SCUBE1: variants seen among roughly 807,000 people sequenced by gnomAD.
SCUBE1 encodes the protein signal peptide, CUB and EGF-like domain-containing protein 1.
In SCUBE1, 59 loss-of-function variants were observed where a neutral mutation model predicts 124.4. That is an observed-to-expected ratio of 0.47 (90% CI 0.38 to 0.59). The LOEUF (loss-of-function observed/expected upper bound fraction) is 0.59, where lower values mean the gene tolerates loss of function less well. SCUBE1 is among the 20% of genes least tolerant of loss of function. The pLI, the probability that SCUBE1 is intolerant of heterozygous loss-of-function variation, is 0.00. For synonymous variants in SCUBE1, 545 were observed against 550.9 expected (o/e 0.99, Z 0.15); for missense variants, 1,150 against 1,371.2 (o/e 0.84, Z 2.55).
intron 15 of SCUBE1, 111 bp from the exon 16 acceptor site, chr22:43,214,362 G>A (rs1294757981): frequency 3.5e-6 from 4 of 1,158,904 alleles, no homozygotes; most frequent in Middle Eastern, 5.7e-4. Context: ...TGTCCCCTGG[G>A]GCCCCAAGGA....
chr22:43,243,103 G>C (rs552403145), intron 6 of SCUBE1, among the ~76,000 whole-genome samples: 1 of 152,228 alleles, frequency 6.6e-6, no homozygotes, highest in Non-Finnish European at 1.5e-5. Flanking sequence ...CACCGCACAC[G>C]CCACACACCC....
intron 1 of SCUBE1, among the ~76,000 whole-genome samples, chr22:43,340,483 C>T (rs988471064): frequency 2.4e-3 from 11 of 4,548 alleles, no homozygotes; most frequent in African/African-American, 9.6e-3. Flanking sequence ...GTCTCTTTTA[C>T]ACACACACAC....
chr22:43,328,941 A>G (rs1167310646), intron 2 of SCUBE1, among the ~76,000 whole-genome samples: 2 of 152,186 alleles, frequency 1.3e-5, no homozygotes, highest in African/African-American at 4.8e-5. Context: ...ACCCAGCTAG[A>G]AGGTGGTGAA....
intron 2 of SCUBE1, 60 bp from the exon 3 acceptor site, chr22:43,320,125 C>G: frequency 6.2e-7 from 1 of 1,603,840 alleles, no homozygotes; most frequent in Non-Finnish European, 8.5e-7. Context: ...CCTCTCCCAA[C>G]ACCATGGAAG....
At chr22:43,207,900 C>T (rs149107594) in intron 20 of SCUBE1, among the ~76,000 whole-genome samples, 172 bp downstream of exon 20, 197 of 152,348 alleles carry the variant, frequency 1.3e-3, no homozygotes, top group African/African-American at 4.5e-3. Context: ...CTGTACCACC[C>T]GGTACCACCC....
chr22:43,258,848 C>T lies in SCUBE1; in HGVS notation c.611-513G>A, dbSNP rs1266341348. On this transcript the variant is annotated intron_variant, in intron 5 of 21. Transcript: ENST00000360835. The surrounding 1 kb of genome is among the most constrained non-coding windows in gnomAD (Gnocchi z 5.0). ...GTGGATGTCTCCACGGAGGTCCCCC[C>T]TCAGAGTCCCAGGGGCCACCTCAAA... Among the ~76,000 whole-genome samples, 2 of 152,142 alleles carry T rather than the reference C, an allele frequency of 1.3e-5. No individual in the cohort carries two copies. Among genetic ancestry groups the T allele is most frequent in the East Asian group, 1.9e-4 (1 of 5,184 alleles).
At chr22:43,216,343 G>A (rs1029146848) in intron 15 of SCUBE1, among the ~76,000 whole-genome samples, 5 of 148,744 alleles carry the variant, frequency 3.4e-5, no homozygotes, top group East Asian at 4.2e-4. Context: ...TACCATGCCC[G>A]GCCCAAAATA....
chr22:43,224,725 CTGA>C (rs1387104875), intron 10 of SCUBE1, among the ~76,000 whole-genome samples: 2 of 152,154 alleles, frequency 1.3e-5, no homozygotes, highest in Non-Finnish European at 2.9e-5. Flanking sequence ...TGTCAGGTCA[CTGA>C]CTGCACGGCC....
chr22:43,264,617 A>T (rs1923994535), intron 4 of SCUBE1, among the ~76,000 whole-genome samples: 1 of 152,116 alleles, frequency 6.6e-6, no homozygotes, highest in Non-Finnish European at 1.5e-5. Flanking sequence ...ACCGTTACTG[A>T]CAGCTGTTGT....
intron 2 of SCUBE1, among the ~76,000 whole-genome samples, chr22:43,338,384 C>G (rs1212162783): frequency 6.6e-6 from 1 of 152,152 alleles, no homozygotes; most frequent in Admixed American, 6.5e-5. Context: ...GAGACAGAGA[C>G]CTACAGGGTG....
intron 14 of SCUBE1, among the ~76,000 whole-genome samples, chr22:43,218,877 T>C (rs1290989253): frequency 6.6e-6 from 1 of 152,168 alleles, no homozygotes; most frequent in African/African-American, 2.4e-5. Context: ...TCCCCTCCAC[T>C]CTGACACTCC....
At chr22:43,319,908 A>T in intron 3 of SCUBE1, 29 bp downstream of exon 3, 1 of 1,612,304 alleles carries the variant, frequency 6.2e-7, no homozygotes, top group South Asian at 1.1e-5. Context: ...GGGTGTGCCC[A>T]GAGGGTAGGC....
At chr22:43,306,355 C>A (rs1322735280) in intron 3 of SCUBE1, among the ~76,000 whole-genome samples, 1 of 152,140 alleles carries the variant, frequency 6.6e-6, no homozygotes, top group Non-Finnish European at 1.5e-5. Context: ...ACAGGGACTG[C>A]AAACAGGAAC....
chr22:43,300,842 T>A (rs1361002825), intron 3 of SCUBE1, among the ~76,000 whole-genome samples: 1 of 151,912 alleles, frequency 6.6e-6, no homozygotes, highest in African/African-American at 2.4e-5. Context: ...TCTGCCAAGG[T>A]TGCCCCCAAA....
intron 13 of SCUBE1, 35 bp downstream of exon 13, chr22:43,221,138 G>A (rs201603472): frequency 4.7e-5 from 72 of 1,539,432 alleles, no homozygotes; most frequent in South Asian, 1.0e-4. Flanking sequence ...CTACAGCCCC[G>A]TTGGTGTGGG....
At chr22:43,316,014 G>A (rs996906176) in intron 3 of SCUBE1, among the ~76,000 whole-genome samples, 2 of 152,100 alleles carry the variant, frequency 1.3e-5, no homozygotes, top group Admixed American at 1.3e-4. Context: ...GAGCGCACAT[G>A]GTGGGGACTG....
rs562767340 is a variant in SCUBE1, at chr22:43,210,785, C to T, written c.2383+137G>A. ...GGCCTCCAGATGGATGCAATGCACC[C>T]GAGAGCAGACGGGACGGAGCGGGAG... On this transcript the variant is annotated intron_variant, in intron 18 of 21. Transcript: ENST00000360835. The surrounding 1 kb of genome is among the most constrained non-coding windows in gnomAD (Gnocchi z 4.5). 7.9e-3 allele frequency: 8,522 copies of T among 1,076,176 alleles called. 54 individuals carry two copies. The highest frequency in any genetic ancestry group is 9.7e-3 in the Non-Finnish European group (7,156 of 738,030). The allele number at this position is 1,076,176 out of a possible 1,614,324, so 66.7% of individuals were successfully genotyped here. A position where few individuals can be genotyped will look rare whatever the true frequency, so the allele number is the denominator to read the frequency against.
At chr22:43,297,263 C>T (rs1925598795) in intron 3 of SCUBE1, among the ~76,000 whole-genome samples, 1 of 152,238 alleles carries the variant, frequency 6.6e-6, no homozygotes, top group Non-Finnish European at 1.5e-5. Context: ...CTGCACACTT[C>T]TCCTGGGTCT....
At position 43,315,633 on chromosome 22, in the gene SCUBE1, T is replaced by C. The variant is rs116860695; in HGVS notation, c.349+4304A>G. On this transcript the variant is annotated intron_variant, in intron 3 of 21. Coordinates refer to ENST00000360835, the MANE Select transcript of SCUBE1 (RefSeq NM_173050.5). ...GAAAGCCTGAACAGAAAGAACTCTGTTGGGAAGGGTCTGCCCTCAGCTAAA... is the reference window on the plus strand; with the variant it reads ...GAAAGCCTGAACAGAAAGAACTCTGCTGGGAAGGGTCTGCCCTCAGCTAAA... 9.9e-4 allele frequency among the ~76,000 whole-genome samples: 150 copies of C among 151,774 alleles called. 2 individuals carry two copies. In the East Asian group the frequency reaches 0.027, roughly 27 times the overall value.
Sources: gnomAD v4.1 joint callset for allele counts (sites outside exome capture counted in the v4.1 genomes callset) on GRCh38, gnomAD v4.1.1 for gene constraint, Gnocchi (gnomAD v3.1) non-coding constraint, MANE v1.5 for transcripts, NCBI Gene and HGNC (gene_info 2026-07-23, HGNC 2026-07-21) for gene names.